Variants in ACACB observed in about 807,000 individuals in gnomAD.
ACACB encodes acetyl-CoA carboxylase beta.
In ACACB, 209 loss-of-function variants were observed where a neutral mutation model predicts 278.8. That is an observed-to-expected ratio of 0.75 (90% CI 0.67 to 0.84). The LOEUF is 0.84. ACACB is among the 40% of genes least tolerant of loss of function. The probability of loss-of-function intolerance (pLI) is 0.00; values close to 1 mark genes in which losing one functional copy is unlikely to be tolerated. For synonymous variants in ACACB, 1,174 were observed against 1,285.6 expected (o/e 0.91, Z 1.86); for missense variants, 2,850 against 3,269.0 (o/e 0.87, Z 3.13).
rs574561608 is a variant in ACACB, at chr12:109,266,422, C to T, written c.*60C>T. 1.1e-5 allele frequency: 16 copies of T among 1,514,710 alleles called. No homozygotes were observed. The highest frequency in any genetic ancestry group is 1.0e-4 in the Admixed American group (5 of 48,378). 93.8% of individuals were successfully genotyped at this position (1,514,710 alleles called of 1,614,324 possible). On this transcript the variant is annotated 3_prime_UTR_variant, in exon 53 of 53. Transcript: ENST00000338432. ...AAAAGGAACCACCCAGACCCACCAC[C>T]CGTACACCCTCAGCAGACCCTGAAG...
rs1161261292 is a variant in ACACB, at chr12:109,140,285, TC to T, written c.653+229del. Among the ~76,000 whole-genome samples the T allele has an allele frequency of 5.7e-5, 5 of 87,614 alleles. No individual in the cohort carries two copies. In the East Asian group the frequency reaches 1.6e-3, roughly 28 times the overall value. The allele number at this position is 87,614 out of a possible 152,430, so 57.5% of individuals were successfully genotyped here. On this transcript the variant is annotated intron_variant, in intron 2 of 52. Transcript: ENST00000338432. ...TTCCTTCCTTCTTTCCTTCCTTCCT[TC>T]CTTCCTTCCTTCCTTCCTTCCTTCC...
chr12:109,152,640 CTTT>C lies in ACACB; in HGVS notation c.653+12605_653+12607del, dbSNP rs34863094. Among the ~76,000 whole-genome samples, 433 of 74,876 alleles carry C rather than the reference CTTT, an allele frequency of 5.8e-3. 2 individuals are homozygous for C. Among genetic ancestry groups the C allele is most frequent in the African/African-American group, 0.018 (371 of 20,786 alleles). 49.1% of individuals were successfully genotyped at this position (74,876 alleles called of 152,430 possible). ...GCCTGTGCCTTTTCTTTCTTTCTTT[CTTT>C]TTTTTTTTTTTTTTTTTTTTTTGAG... On this transcript the variant is annotated intron_variant, in intron 2 of 52. Coordinates refer to ENST00000338432, the MANE Select transcript of ACACB (RefSeq NM_001093.4).
chr12:109,223,661 T>C (rs555352565), intron 26 of ACACB, among the ~76,000 whole-genome samples, 154 bp from the exon 27 acceptor site: 5 of 152,092 alleles, frequency 3.3e-5, no homozygotes, highest in Admixed American at 3.3e-4. Context: ...GCTCAAGAGG[T>C]TGAGGTGGGG....
At chr12:109,262,638 T>A (rs1261499562) in intron 49 of ACACB, among the ~76,000 whole-genome samples, 169 bp downstream of exon 49, 3 of 152,004 alleles carry the variant, frequency 2.0e-5, no homozygotes, top group Non-Finnish European at 4.4e-5. Flanking sequence ...TTTTGTTTTG[T>A]TTTTTTGAGG....
At chr12:109,157,972 A>G (rs1378646775) in intron 2 of ACACB, among the ~76,000 whole-genome samples, 1 of 152,124 alleles carries the variant, frequency 6.6e-6, no homozygotes, top group African/African-American at 2.4e-5. Context: ...TTGGCTGTAG[A>G]CCTATCAGGG....
At chr12:109,157,279 T>TTATTATTAC (rs1211743361) in intron 2 of ACACB, among the ~76,000 whole-genome samples, 10 of 149,320 alleles carry the variant, frequency 6.7e-5, no homozygotes, top group African/African-American at 2.0e-4. Flanking sequence ...GTTGTTATTA[T>TTATTATTAC]TATTATTATT....
At chr12:109,198,350 G>A (rs2045213313) in intron 17 of ACACB, among the ~76,000 whole-genome samples, 1 of 152,196 alleles carries the variant, frequency 6.6e-6, no homozygotes, top group African/African-American at 2.4e-5. Flanking sequence ...AGGCCCTGTT[G>A]GAAGTATGTC....
At chr12:109,231,012 A>T (rs1342557690) in intron 28 of ACACB, among the ~76,000 whole-genome samples, 1 of 152,070 alleles carries the variant, frequency 6.6e-6, no homozygotes, top group Non-Finnish European at 1.5e-5. Flanking sequence ...CCAGCCCTTT[A>T]ATGCCTCTGT....
In ACACB at chr12:109,262,413, T is replaced by C; in HGVS notation, c.6731T>C (p.Leu2244Pro). 6.2e-7 allele frequency: 1 copy of C among 1,613,850 alleles called. No individual in the cohort carries two copies. Among genetic ancestry groups the C allele is most frequent in the East Asian group, 2.2e-5 (1 of 44,862 alleles). ...GAGATTAAGTTCCGAAAGAAAGATC[T>C]GATAAAGTCCATGAGAAGGATCGAT... Reference protein sequence around the residue: ...TVEIKFRKKDLIKSMRRIDPA... With the variant: ...TVEIKFRKKDPIKSMRRIDPA... Residue 2244 changes from leucine (L) to proline (P), a missense_variant, in exon 49 of 53, where the codon CTG becomes CCG. This residue lies in a region of ACACB where 579 missense variants were observed against 684.6 expected (regional missense o/e 0.85). Transcript: ENST00000338432.
intron 31 of ACACB, 53 bp downstream of exon 31, chr12:109,234,098 G>A: frequency 6.8e-7 from 1 of 1,465,042 alleles, no homozygotes. Flanking sequence ...AAGGAGGAGG[G>A]GCTGGGCTCG....
At chr12:109,194,743 T>A (rs937533236) in intron 16 of ACACB, among the ~76,000 whole-genome samples, 2 of 152,002 alleles carry the variant, frequency 1.3e-5, no homozygotes, top group African/African-American at 4.8e-5. Flanking sequence ...CCAGTATGAT[T>A]TCATCTTAAT....
intron 2 of ACACB, among the ~76,000 whole-genome samples, chr12:109,164,905 C>T (rs568290964): frequency 6.6e-6 from 1 of 151,752 alleles, no homozygotes; most frequent in Admixed American, 6.6e-5. Context: ...TCTTAGAAAG[C>T]TACTTGAGGA....
intron 27 of ACACB, 38 bp from the exon 28 acceptor site, chr12:109,227,333 G>T: frequency 6.4e-7 from 1 of 1,567,032 alleles, no homozygotes; most frequent in African/African-American, 1.3e-5. Context: ...CTCTGCAGTG[G>T]CCCCTGAGAG....
intron 12 of ACACB, among the ~76,000 whole-genome samples, chr12:109,187,426 G>A (rs976112904): frequency 2.0e-5 from 3 of 149,476 alleles, no homozygotes; most frequent in African/African-American, 7.4e-5. Flanking sequence ...GTCCCAACTC[G>A]CTTATTTTAT....
intron 11 of ACACB, among the ~76,000 whole-genome samples, chr12:109,180,915 T>C (rs923636939): frequency 2.0e-5 from 3 of 152,196 alleles, no homozygotes; most frequent in African/African-American, 7.2e-5. Flanking sequence ...TAGCAGGCCG[T>C]ATTCATTCTC....
intron 20 of ACACB, among the ~76,000 whole-genome samples, chr12:109,207,450 T>G (rs543164066): frequency 8.5e-5 from 13 of 152,308 alleles, no homozygotes; most frequent in Non-Finnish European, 1.6e-4. Context: ...ACAAGGCACT[T>G]TGTTTGAAAC....
chr12:109,111,207 GCGCCCCAACTCCGAGCACCGTGGAGCAC>G, the ACACB span: 28 of 152,470 alleles, frequency 1.8e-4, no homozygotes, highest in African/African-American at 6.5e-4. Flanking sequence ...GCCTGGAGCA[GCGCCCCAACTCCGAGCACCGTGGAGCAC>G]CGGCTGCCAG....
Position 109,185,631 on chromosome 12 carries a change from G to A in ACACB, c.1871G>A (p.Gly624Glu), listed in dbSNP as rs140603461. 3.9e-4 allele frequency: 623 copies of A among 1,613,900 alleles called. 1 individual carries two copies. Among genetic ancestry groups the A allele is most frequent in the Middle Eastern group, 1.3e-3 (8 of 6,082 alleles). Residue 624 changes from glycine to glutamate, a missense_variant, in exon 12 of 53, where the codon GGA becomes GAA. Physicochemically the swap from Gly to Glu is moderately conservative, Grantham distance 98 (BLOSUM62 -2). Transcript: ENST00000338432. ...HRLKDIRLLYGESPWGVTPIS... is the reference protein window; with the variant it reads ...HRLKDIRLLYEESPWGVTPIS... ...CTGAAGGATATCCGGCTTCTGTATG[G>A]AGAGTCACCATGGGGAGTGACTCCC...
chr12:109,123,113 G>A (rs995498019), intron 1 of ACACB, among the ~76,000 whole-genome samples: 3 of 151,216 alleles, frequency 2.0e-5, no homozygotes, highest in African/African-American at 7.3e-5. Flanking sequence ...CCCAGGAGGC[G>A]GAGCTTGCAG....
Sources: gnomAD v4.1 joint callset for allele counts (sites outside exome capture counted in the v4.1 genomes callset) on GRCh38, gnomAD v4.1.1 for gene constraint, gnomAD v4.1.1 regional missense constraint, MANE v1.5 for transcripts, NCBI Gene and HGNC (gene_info 2026-07-23, HGNC 2026-07-21) for gene names.